NOTCH2: variants seen among roughly 807,000 people sequenced by gnomAD.
NOTCH2 encodes the protein neurogenic locus notch homolog protein 2.
Under a neutral mutation model 235.8 loss-of-function variants are expected in NOTCH2, and 29 were observed. The observed-to-expected ratio is 0.12, with a 90% CI of 0.09 to 0.17. NOTCH2 has a LOEUF of 0.17. Ranked by LOEUF, NOTCH2 falls within the 10% of genes least tolerant of loss-of-function variation. The pLI is 1.00. For missense variants in NOTCH2, 2,285 were observed against 3,150.2 expected (o/e 0.73, Z 6.57); for synonymous variants, 1,086 against 1,141.5 (o/e 0.95, Z 0.98).
Position 119,921,743 on chromosome 1 carries a change from A to G in NOTCH2, c.5280T>C (p.Asp1760=). The change falls in exon 29 of 34, where the codon GAT becomes GAC. Residue 1760 remains aspartate (D), a synonymous_variant. Transcript: ENST00000256646. ...CTTTCTTTGGCTGGGGCCCTTCATC[A>G]TCGACCCAGTGTTCACTTGTTCCAG... ...IGTGTSEHWV[D]DEGPQPKKVK... 1 of 1,614,226 alleles carries G rather than the reference A, an allele frequency of 6.2e-7. No homozygotes were observed. The highest frequency in any genetic ancestry group is 1.1e-5 in the South Asian group (1 of 91,092).
intron 11 of NOTCH2, 144 bp downstream of exon 11, chr1:119,963,430 T>A: frequency 1.2e-6 from 1 of 811,916 alleles, no homozygotes; most frequent in East Asian, 2.4e-5. Context: ...TTGAGACATT[T>A]ATGTTTGTGG....
At position 119,916,753 on chromosome 1, in the gene NOTCH2, T is replaced by C. The variant is rs587598500; in HGVS notation, c.6028-59A>G. The C allele has an allele frequency of 6.4e-6, 10 of 1,557,660 alleles. 1 individual carries two copies. Among genetic ancestry groups the C allele is most frequent in the South Asian group, 2.3e-5 (2 of 87,274 alleles). On this transcript the variant is annotated intron_variant, in intron 33 of 33. Coordinates refer to ENST00000256646, the MANE Select transcript of NOTCH2 (RefSeq NM_024408.4). Reference sequence around the variant, plus strand: ...ATAACACTCTTGAGAATATAGCAGTTTTTCTCAATCTTTTTTATTATCACC... The same window carrying C: ...ATAACACTCTTGAGAATATAGCAGTCTTTCTCAATCTTTTTTATTATCACC...
At chr1:120,009,549 CTT>C (rs1468512987) in intron 2 of NOTCH2, among the ~76,000 whole-genome samples, 4 of 152,118 alleles carry the variant, frequency 2.6e-5, no homozygotes, top group East Asian at 1.9e-4. Flanking sequence ...AGATATTTCT[CTT>C]TCTTTTCCAT....
chr1:119,921,358 T>A (rs1246185758), intron 29 of NOTCH2, among the ~76,000 whole-genome samples: 2 of 152,226 alleles, frequency 1.3e-5, no homozygotes, highest in Non-Finnish European at 2.9e-5. Context: ...CTTAATTTCA[T>A]CTTCTCTTAT....
At chr1:119,935,158 G>T in intron 22 of NOTCH2, 2 of 1,231,740 alleles carry the variant, frequency 1.6e-6, no homozygotes, top group Non-Finnish European at 2.0e-6. Context: ...GCTTTTCTGT[G>T]AAGCAACAAG....
chr1:120,039,248 C>T (rs1224438359), intron 1 of NOTCH2, among the ~76,000 whole-genome samples: 4 of 152,164 alleles, frequency 2.6e-5, no homozygotes, highest in Admixed American at 1.3e-4. Context: ...TATTTGTGTG[C>T]TGCTTAGTGG....
At chr1:119,948,598 C>T (rs782264385) in intron 16 of NOTCH2, 32 bp from the exon 17 acceptor site, 1 of 1,613,740 alleles carries the variant, frequency 6.2e-7, no homozygotes, top group Non-Finnish European at 8.5e-7. Flanking sequence ...ATGACCTAGT[C>T]CTTGGAAGCT....
chr1:120,009,509 GCTAAC>G (rs1553206656), intron 2 of NOTCH2, among the ~76,000 whole-genome samples: 1 of 151,798 alleles, frequency 6.6e-6, no homozygotes, highest in East Asian at 1.9e-4. Flanking sequence ...TTGTTTCACA[GCTAAC>G]CTTCTATGAC....
rs1296386834 is a variant in NOTCH2, at chr1:119,967,579, G to A, written c.1307C>T (p.Thr436Met). Reference protein sequence around the residue: ...PCEHAGKCVNTDGAFHCECLK... With the variant: ...PCEHAGKCVNMDGAFHCECLK... The stretch of plus-strand genomic sequence containing the variant: ...ACACTCACAGTGGAAGGCGCCATCC[G>A]TGTTCACACATTTTCCTGCATGCTC... Residue 436 changes from threonine to methionine, a missense_variant, in exon 8 of 34, where the codon ACG (threonine) becomes ATG (methionine). Physicochemically the swap from Thr to Met is moderately conservative, Grantham distance 81. This residue lies in a region of NOTCH2 where 431 missense variants were observed against 757.8 expected (regional missense o/e 0.57). Coordinates refer to ENST00000256646, the MANE Select transcript of NOTCH2 (RefSeq NM_024408.4). 4.3e-6 allele frequency: 7 copies of A among 1,614,060 alleles called. No individual in the cohort carries two copies. Among genetic ancestry groups the A allele is most frequent in the South Asian group, 2.2e-5 (2 of 91,080 alleles).
At chr1:119,982,855 C>T (rs1170716344) in intron 5 of NOTCH2, among the ~76,000 whole-genome samples, 1 of 152,238 alleles carries the variant, frequency 6.6e-6, no homozygotes, top group Non-Finnish European at 1.5e-5. Flanking sequence ...GTAAAAACGC[C>T]TGTAGTGGGG....
rs371046188 is a variant in NOTCH2 at position 119,967,612 on chromosome 1, T to A, written c.1274A>T (p.Asn425Ile). The change falls in exon 8 of 34, where the codon AAT becomes ATT. Residue 425 changes from asparagine to isoleucine, a missense_variant. Around this residue, in one of 6 missense-constraint regions of NOTCH2, gnomAD observed 431 missense variants for 757.8 expected, o/e 0.57. Coordinates refer to ENST00000256646, the MANE Select transcript of NOTCH2 (RefSeq NM_024408.4). ...DVDECAMANS[N>I]PCEHAGKCVN... ...ACATTTTCCTGCATGCTCACAAGGA[T>A]TGCTATTGGCTGAAAGACACAAGTA... is the stretch of plus-strand genomic sequence containing the variant. The A allele has an allele frequency of 6.2e-7, 1 of 1,613,938 alleles. No homozygotes were observed. The highest frequency in any genetic ancestry group is 8.5e-7 in the Non-Finnish European group (1 of 1,179,936).
At chr1:119,949,188 A>ATCCCAAGG in intron 15 of NOTCH2, 62 bp from the exon 16 acceptor site, 1 of 1,569,116 alleles carries the variant, frequency 6.4e-7, no homozygotes, top group Non-Finnish European at 8.8e-7. Flanking sequence ...AATTTTCCTT[A>ATCCCAAGG]TCCCAAGGAT....
At position 119,995,353 on chromosome 1, in the gene NOTCH2, CCT is replaced by C. The variant is rs1323378087; in HGVS notation, c.751+1642_751+1643del. 2.7e-5 allele frequency: 4 copies of C among 149,668 alleles called. No individual in the cohort carries two copies. The East Asian group carries it at 7.8e-4, about 29-fold the overall frequency. The allele number at this position is 149,668 out of a possible 1,614,324, so 9.3% of individuals were successfully genotyped here. A position where few individuals can be genotyped will look rare whatever the true frequency, so the allele number is the denominator to read the frequency against. On this transcript the variant is annotated intron_variant, in intron 4 of 33. Coordinates refer to ENST00000256646, the MANE Select transcript of NOTCH2 (RefSeq NM_024408.4). ...CGTCAACATCTTGCTGCCAAATCAA[CCT>C]CTTGTTCTAGGCAATTATTAAAAGC... is the stretch of plus-strand genomic sequence containing the variant.
Position 119,935,671 on chromosome 1 carries a change from G to A in NOTCH2, c.3523-67C>T, listed in dbSNP as rs587768801. On this transcript the variant is annotated intron_variant, in intron 21 of 33. Coordinates refer to ENST00000256646, the MANE Select transcript of NOTCH2 (RefSeq NM_024408.4). ...TACTGGAAACAGACCATGAGAGCTA[G>A]TGAGATCTGGAACATTTCTGTGACT... 151 of 1,548,840 alleles carry A rather than the reference G, an allele frequency of 9.7e-5. 2 individuals are homozygous for A. In the South Asian group the frequency reaches 1.2e-3, roughly 12 times the overall value.
intron 5 of NOTCH2, among the ~76,000 whole-genome samples, chr1:119,977,847 G>A (rs1307982045): frequency 4.6e-5 from 7 of 152,194 alleles, no homozygotes; most frequent in Non-Finnish European, 7.4e-5. Context: ...TCATTCATTC[G>A]TTTATCTAAA....
At chr1:119,964,363 T>C (rs1651059354) in intron 10 of NOTCH2, among the ~76,000 whole-genome samples, 1 of 152,198 alleles carries the variant, frequency 6.6e-6, no homozygotes, top group East Asian at 1.9e-4. Flanking sequence ...ATTTCCTTTC[T>C]TCGAGGTGTA....
intron 21 of NOTCH2, 119 bp downstream of exon 21, chr1:119,937,163 G>A (rs1649883717): frequency 2.0e-6 from 2 of 1,015,810 alleles, no homozygotes; most frequent in South Asian, 1.3e-5. Context: ...GACGGGGATT[G>A]GTAAAAATCT....
chr1:119,915,570 G>C lies in NOTCH2; in HGVS notation c.7152C>G (p.Pro2384=). Residue 2384 remains proline (P), a synonymous_variant, in exon 34 of 34, where the codon CCC becomes CCG. Coordinates refer to ENST00000256646, the MANE Select transcript of NOTCH2 (RefSeq NM_024408.4). ...CATAACTGTGCTGTGAAGGGGGTGT[G>C]GGGTACTTGCCCACAGAGGCTGGGA... ...HPFPASVGKY[P]TPPSQHSYAS... 1.2e-6 allele frequency: 2 copies of C among 1,614,052 alleles called. No homozygotes were observed. The highest frequency in any genetic ancestry group is 1.7e-6 in the Non-Finnish European group (2 of 1,180,036).
chr1:120,039,409 C>CTT lies in NOTCH2; in HGVS notation c.74-9424_74-9423dup, dbSNP rs1170358326. 1.2e-3 allele frequency among the ~76,000 whole-genome samples: 147 copies of CTT among 127,024 alleles called. 2 individuals carry two copies. The highest frequency in any genetic ancestry group is 3.7e-3 in the African/African-American group (121 of 32,712). 83.3% of individuals were successfully genotyped at this position (127,024 alleles called of 152,430 possible). On this transcript the variant is annotated intron_variant, in intron 1 of 33. Coordinates refer to ENST00000256646, the MANE Select transcript of NOTCH2 (RefSeq NM_024408.4). ...CTTTTAGAAAACTCCCTTTTTAAAGCTTTTTTTTTTTTTTTTTGAGATGGA... is the reference window on the plus strand; with the variant it reads ...CTTTTAGAAAACTCCCTTTTTAAAGCTTTTTTTTTTTTTTTTTTTGAGATGGA...
Sources: gnomAD v4.1 joint callset for allele counts (sites outside exome capture counted in the v4.1 genomes callset) on GRCh38, gnomAD v4.1.1 for gene constraint, gnomAD v4.1.1 regional missense constraint, MANE v1.5 for transcripts, NCBI Gene and HGNC (gene_info 2026-07-23, HGNC 2026-07-21) for gene names.